The following WDPCP variants were observed in gnomAD, a reference collection of about 807,000 sequenced individuals.
WDPCP encodes WD repeat-containing and planar cell polarity effector protein fritz homolog.
Under a neutral mutation model 93.1 loss-of-function variants are expected in WDPCP, and 71 were observed. That is an observed-to-expected ratio of 0.76 (90% CI 0.63 to 0.93). The LOEUF (loss-of-function observed/expected upper bound fraction) is 0.93, where lower values mean the gene tolerates loss of function less well. Ranked by LOEUF, WDPCP falls within the 40% of genes least tolerant of loss-of-function variation. WDPCP has a pLI of 0.00. For synonymous variants in WDPCP, 315 were observed against 315.0 expected, an observed-to-expected ratio of 1.00 and a Z score of 0.00; for missense variants, 844 against 887.4, an observed-to-expected ratio of 0.95 and a Z score of 0.62.
chr2:63,606,137 T>C, intron 3 of WDPCP: 1 of 1,054,830 alleles, frequency 9.5e-7, no homozygotes, highest in Non-Finnish European at 1.5e-6. Flanking sequence ...ATCCCAACAC[T>C]TTGGAAGGGC....
chr2:63,147,101 A>G (rs1011224502), intron 17 of WDPCP, among the ~76,000 whole-genome samples: 1 of 152,202 alleles, frequency 6.6e-6, no homozygotes, highest in African/African-American at 2.4e-5. Context: ...AGACTCTTTG[A>G]GGTAAAGAGT....
intron 10 of WDPCP, among the ~76,000 whole-genome samples, chr2:63,401,436 C>G (rs9749870): frequency 0.42 from 63,203 of 152,028 alleles, 13,392 homozygotes; most frequent in Non-Finnish European, 0.43. Context: ...CAAATCAAAA[C>G]CACAATGAGA....
intron 6 of WDPCP, among the ~76,000 whole-genome samples, chr2:63,458,937 C>T (rs1698821120): frequency 6.6e-6 from 1 of 152,112 alleles, no homozygotes; most frequent in South Asian, 2.1e-4. Context: ...TATTTACAGC[C>T]AACTGATCTT....
At chr2:63,163,739 A>G (rs1033696050) in intron 15 of WDPCP, among the ~76,000 whole-genome samples, 1 of 150,164 alleles carries the variant, frequency 6.7e-6, no homozygotes, top group Non-Finnish European at 1.5e-5. Context: ...ATAGGCTGTA[A>G]TTTTTTTTTT....
At chr2:63,588,640 T>C, upstream of WDPCP, 1 of 484,130 alleles carries the variant, frequency 2.1e-6, no homozygotes, top group Non-Finnish European at 3.8e-6. Flanking sequence ...AAGGGGTGAT[T>C]CTCCCCTCCC....
chr2:63,222,284 C>T (rs1677903289), intron 14 of WDPCP, among the ~76,000 whole-genome samples: 1 of 152,174 alleles, frequency 6.6e-6, no homozygotes, highest in Admixed American at 6.6e-5. Flanking sequence ...GGCTTCCTCA[C>T]TTACAATTCT....
intron 2 of WDPCP, among the ~76,000 whole-genome samples, chr2:63,710,068 CT>C (rs2103748102): frequency 6.6e-6 from 1 of 152,312 alleles, no homozygotes; most frequent in South Asian, 2.1e-4. Flanking sequence ...TAGGTAACTT[CT>C]TTTGCCCCTC....
At chr2:63,469,617 T>C (rs1699576470) in intron 6 of WDPCP, among the ~76,000 whole-genome samples, 1 of 152,200 alleles carries the variant, frequency 6.6e-6, no homozygotes, top group Non-Finnish European at 1.5e-5. Flanking sequence ...AAATACCACA[T>C]GTTCTCACTT....
chr2:63,717,152 T>C (rs1205255715), intron 2 of WDPCP: 11 of 396,514 alleles, frequency 2.8e-5, no homozygotes, highest in Non-Finnish European at 4.8e-5. Flanking sequence ...GCCACCTGAC[T>C]CTTGGAAATG....
intron 2 of WDPCP, among the ~76,000 whole-genome samples, chr2:63,762,448 G>A (rs1362727943): frequency 6.6e-6 from 1 of 152,152 alleles, no homozygotes; most frequent in Non-Finnish European, 1.5e-5. Context: ...GGCATTTTTG[G>A]TTTGAGTCAA....
chr2:63,146,124 C>G (rs1284234540), intron 17 of WDPCP, among the ~76,000 whole-genome samples: 2 of 152,152 alleles, frequency 1.3e-5, no homozygotes, highest in Non-Finnish European at 2.9e-5. Flanking sequence ...ATGGGGTTCT[C>G]TAGATATAGG....
intron 9 of WDPCP, among the ~76,000 whole-genome samples, chr2:63,433,338 A>G (rs1696901426): frequency 6.6e-6 from 1 of 152,226 alleles, no homozygotes; most frequent in African/African-American, 2.4e-5. Context: ...AAACAGTAAT[A>G]ATAGAACTAA....
chr2:63,637,908 A>G (rs1385462536), intron 3 of WDPCP, among the ~76,000 whole-genome samples: 1 of 152,222 alleles, frequency 6.6e-6, no homozygotes, highest in Non-Finnish European at 1.5e-5. Context: ...TAAAACTTCT[A>G]TATAATCCAG....
At chr2:63,744,807 C>A (rs1169674844) in intron 2 of WDPCP, among the ~76,000 whole-genome samples, 1 of 152,028 alleles carries the variant, frequency 6.6e-6, no homozygotes, top group Non-Finnish European at 1.5e-5. Flanking sequence ...TTCTAGGTCC[C>A]CCTTTCCCCT....
intron 2 of WDPCP, among the ~76,000 whole-genome samples, chr2:63,769,531 G>C (rs1206222104): frequency 6.6e-6 from 1 of 151,826 alleles, no homozygotes; most frequent in Non-Finnish European, 1.5e-5. Context: ...GAAGAGATTG[G>C]CCTGTGTTTC....
chr2:63,642,200 T>G (rs1025227409), intron 3 of WDPCP, among the ~76,000 whole-genome samples: 1 of 152,044 alleles, frequency 6.6e-6, no homozygotes, highest in African/African-American at 2.4e-5. Flanking sequence ...AGTATAATTT[T>G]TTTTCTTACC....
At chr2:63,338,559 AAAAAAAAAAAATATATATATAT>A (rs1273947478) in intron 12 of WDPCP, among the ~76,000 whole-genome samples, 45 of 61,754 alleles carry the variant, frequency 7.3e-4, no homozygotes, top group Middle Eastern at 0.011. Context: ...TCTAAAAAAA[AAAAAAAAAAAATATATATATAT>A]ATATATATAT....
At chr2:63,460,651 A>G (rs1223382957) in intron 6 of WDPCP, among the ~76,000 whole-genome samples, 1 of 152,142 alleles carries the variant, frequency 6.6e-6, no homozygotes, top group Non-Finnish European at 1.5e-5. Context: ...ATGAAAATAA[A>G]GTAAGTCTCT....
chr2:63,388,792 G>A (rs959497003), intron 10 of WDPCP, among the ~76,000 whole-genome samples: 4 of 152,042 alleles, frequency 2.6e-5, no homozygotes, highest in African/African-American at 9.7e-5. Flanking sequence ...TGGAAGAAAG[G>A]GTATTGGTGA....
Sources: gnomAD v4.1 joint callset for allele counts (sites outside exome capture counted in the v4.1 genomes callset) on GRCh38, gnomAD v4.1.1 for gene constraint, MANE v1.5 for transcripts, NCBI Gene and HGNC (gene_info 2026-07-23, HGNC 2026-07-21) for gene names.